Variants in RBFOX1 observed in about 807,000 individuals in gnomAD.
The protein encoded by RBFOX1 is RNA binding protein fox-1 homolog 1.
Under a neutral mutation model 57.7 loss-of-function variants are expected in RBFOX1, and 8 were observed. The observed-to-expected ratio is 0.14, with a 90% CI of 0.08 to 0.25. The LOEUF (loss-of-function observed/expected upper bound fraction) is 0.25. RBFOX1 is among the 10% of genes least tolerant of loss of function. The pLI is 1.00. For synonymous variants in RBFOX1, 326 were observed against 222.4 expected (o/e 1.47, Z -4.15); for missense variants, 611 against 548.5 (o/e 1.11, Z -1.14).
intron 1 of RBFOX1, among the ~76,000 whole-genome samples, chr16:5,433,206 C>T (rs1461148779): frequency 2.6e-5 from 4 of 152,142 alleles, no homozygotes; most frequent in Non-Finnish European, 5.9e-5. Flanking sequence ...TTCTTTGCCT[C>T]CTTGATTCTC....
At chr16:7,150,366 C>A (rs936180095) in intron 4 of RBFOX1, among the ~76,000 whole-genome samples, 33 of 152,056 alleles carry the variant, frequency 2.2e-4, no homozygotes, top group African/African-American at 8.0e-4. Flanking sequence ...ACGTTAATGC[C>A]CTATGATTTG....
At chr16:7,207,650 G>A (rs1244531971) in intron 4 of RBFOX1, among the ~76,000 whole-genome samples, 3 of 152,136 alleles carry the variant, frequency 2.0e-5, no homozygotes, top group Non-Finnish European at 4.4e-5. Flanking sequence ...ACCTAAAGAA[G>A]GATGGAGCGG....
At chr16:7,203,140 A>C (rs757858354) in intron 4 of RBFOX1, among the ~76,000 whole-genome samples, 1 of 152,222 alleles carries the variant, frequency 6.6e-6, no homozygotes, top group South Asian at 2.1e-4. Flanking sequence ...GACTAATACA[A>C]GTGTTTATCA....
chr16:6,950,172 G>A (rs2080414736), intron 3 of RBFOX1, among the ~76,000 whole-genome samples: 2 of 146,872 alleles, frequency 1.4e-5, no homozygotes, highest in South Asian at 2.2e-4. Context: ...TGGCCAGGCT[G>A]GTCTCAAACT....
At chr16:5,759,727 G>T (rs1350504419) in intron 3 of RBFOX1, among the ~76,000 whole-genome samples, 3 of 152,122 alleles carry the variant, frequency 2.0e-5, no homozygotes, top group Non-Finnish European at 4.4e-5. Flanking sequence ...AAAGATGGCA[G>T]TTACCACTTT....
intron 3 of RBFOX1, among the ~76,000 whole-genome samples, chr16:6,727,002 T>C (rs2067341506): frequency 6.8e-6 from 1 of 147,078 alleles, no homozygotes; most frequent in African/African-American, 2.5e-5. Context: ...CCCAGAGAAA[T>C]AATGACATAC....
At chr16:6,972,576 T>C (rs969739264) in intron 3 of RBFOX1, among the ~76,000 whole-genome samples, 1 of 152,192 alleles carries the variant, frequency 6.6e-6, no homozygotes, top group Non-Finnish European at 1.5e-5. Flanking sequence ...AGCAGATTTT[T>C]ATACTGATTG....
intron 4 of RBFOX1, among the ~76,000 whole-genome samples, chr16:7,458,615 A>G (rs1036643323): frequency 6.6e-6 from 1 of 152,142 alleles, no homozygotes; most frequent in African/African-American, 2.4e-5. Flanking sequence ...GCCCTTGAAT[A>G]TCATAGGAAT....
At chr16:7,152,507 C>G (rs193263216) in intron 4 of RBFOX1, among the ~76,000 whole-genome samples, 6 of 152,018 alleles carry the variant, frequency 3.9e-5, no homozygotes, top group African/African-American at 1.4e-4. Flanking sequence ...AAATTGTGGC[C>G]TTATGGTCTG....
At chr16:6,102,268 C>G (rs2096321287) in intron 1 of RBFOX1, among the ~76,000 whole-genome samples, 1 of 151,320 alleles carries the variant, frequency 6.6e-6, no homozygotes, top group Non-Finnish European at 1.5e-5. Flanking sequence ...CCTTTCTTCC[C>G]TCTCACTATC....
rs187658364 is a variant in RBFOX1, at chr16:5,947,452, C to T, written c.351+80117C>T. Among the ~76,000 whole-genome samples the T allele has an allele frequency of 6.6e-6, 1 of 152,106 alleles. No individual in the cohort carries two copies. Among genetic ancestry groups the T allele is most frequent in the Non-Finnish European group, 1.5e-5 (1 of 68,022 alleles). On this transcript the variant is annotated intron_variant, in intron 4 of 19. Coordinates refer to the RBFOX1 transcript ENST00000641259. The surrounding 1 kb of genome is among the most constrained non-coding windows in gnomAD (Gnocchi z 7.2). ...GTATGATCATGGCTCACTACAGCCT[C>T]GAAATCTTGTGCTCAAGCCATTTTC...
chr16:6,257,382 G>A (rs2097674524), intron 1 of RBFOX1, among the ~76,000 whole-genome samples: 1 of 151,892 alleles, frequency 6.6e-6, no homozygotes, highest in South Asian at 2.1e-4. Context: ...CAAATTAAAA[G>A]ACAGCATCAA....
At chr16:5,846,854 G>T (rs2151856986) in intron 3 of RBFOX1, among the ~76,000 whole-genome samples, 1 of 152,328 alleles carries the variant, frequency 6.6e-6, no homozygotes, top group East Asian at 1.9e-4. Flanking sequence ...TACCTTCAGA[G>T]CAGCTGCGGA....
chr16:7,227,260 C>A (rs890113502), intron 4 of RBFOX1, among the ~76,000 whole-genome samples: 1 of 150,296 alleles, frequency 6.7e-6, no homozygotes, highest in Non-Finnish European at 1.5e-5. Flanking sequence ...TCTCTGTTCT[C>A]ACTGTCACAT....
chr16:6,821,714 C>T (rs1449240589), intron 3 of RBFOX1, among the ~76,000 whole-genome samples: 1 of 152,186 alleles, frequency 6.6e-6, no homozygotes, highest in African/African-American at 2.4e-5. Context: ...TGTATCAGTG[C>T]TTCATCAATT....
chr16:5,881,972 T>G (rs896320604), intron 4 of RBFOX1, among the ~76,000 whole-genome samples: 2 of 152,210 alleles, frequency 1.3e-5, no homozygotes, highest in African/African-American at 4.8e-5. Context: ...AAGCACTCCC[T>G]TGGTGCCAGG....
chr16:7,638,768 A>G (rs1366602100), intron 11 of RBFOX1, among the ~76,000 whole-genome samples: 1 of 152,156 alleles, frequency 6.6e-6, no homozygotes, highest in East Asian at 1.9e-4. Context: ...AATAGGCGTG[A>G]CTGTGTTCCA....
chr16:7,451,604 A>T (rs59109852), intron 4 of RBFOX1, among the ~76,000 whole-genome samples: 1 of 152,112 alleles, frequency 6.6e-6, no homozygotes, highest in African/African-American at 2.4e-5. Context: ...GTGAGTTGCA[A>T]ATATTCTTAG....
chr16:6,530,275 A>G (rs762524861), intron 2 of RBFOX1, among the ~76,000 whole-genome samples: 16 of 152,136 alleles, frequency 1.1e-4, no homozygotes, highest in Non-Finnish European at 1.9e-4. Context: ...TCTCAAGCTC[A>G]ACAGTGTGCT....
Sources: gnomAD v4.1 joint callset for allele counts (sites outside exome capture counted in the v4.1 genomes callset) on GRCh38, gnomAD v4.1.1 for gene constraint, Gnocchi (gnomAD v3.1) non-coding constraint, MANE v1.5 for transcripts, NCBI Gene and HGNC (gene_info 2026-07-23, HGNC 2026-07-21) for gene names.